The following CERS3 variants were observed in gnomAD, a reference collection of about 807,000 sequenced individuals.
CERS3 encodes ceramide synthase 3, also known as LAG1 homolog, ceramide synthase 3.
Under a neutral mutation model 50.3 loss-of-function variants are expected in CERS3, and 33 were observed. The ratio of observed to expected loss-of-function variants is 0.66; its 90% confidence interval spans 0.50 to 0.88. CERS3 has a LOEUF of 0.88. Ranked by LOEUF, CERS3 falls within the 40% of genes least tolerant of loss-of-function variation. The pLI is 0.00. For synonymous variants in CERS3, 176 were observed against 155.2 expected (o/e 1.13, Z -0.99); for missense variants, 470 against 460.3 (o/e 1.02, Z -0.19).
intron 4 of CERS3, among the ~76,000 whole-genome samples, chr15:100,488,620 A>C (rs1238877341): frequency 1.3e-5 from 2 of 152,126 alleles, no homozygotes; most frequent in African/African-American, 4.8e-5. Flanking sequence ...TAGTGCTTTT[A>C]GGCTATGGAC....
At chr15:100,521,967 T>C (rs938532491) in intron 1 of CERS3, among the ~76,000 whole-genome samples, 5 of 152,162 alleles carry the variant, frequency 3.3e-5, no homozygotes, top group Non-Finnish European at 7.3e-5. Flanking sequence ...AATTTGCACA[T>C]AGAAATCCAG....
chr15:100,414,660 C>A (rs1018666351), intron 11 of CERS3, among the ~76,000 whole-genome samples: 3 of 151,916 alleles, frequency 2.0e-5, no homozygotes, highest in African/African-American at 7.2e-5. Flanking sequence ...ACAAACCAGA[C>A]AAAAACAAGC....
chr15:100,468,327 G>T (rs914665561), intron 10 of CERS3, among the ~76,000 whole-genome samples: 1 of 152,078 alleles, frequency 6.6e-6, no homozygotes, highest in Non-Finnish European at 1.5e-5. Flanking sequence ...GATCACAAAG[G>T]TCGTAAGTGT....
intron 11 of CERS3, among the ~76,000 whole-genome samples, chr15:100,426,701 C>T (rs1171440879): frequency 6.6e-6 from 1 of 152,164 alleles, no homozygotes; most frequent in Non-Finnish European, 1.5e-5. Flanking sequence ...AAGTTTATAT[C>T]CCCCGTGTGG....
At chr15:100,477,920 T>C (rs1332512670) in intron 7 of CERS3, among the ~76,000 whole-genome samples, 13 of 152,212 alleles carry the variant, frequency 8.5e-5, no homozygotes, top group Admixed American at 8.5e-4. Flanking sequence ...GGATTAAAGG[T>C]GATCTGCCCT....
At chr15:100,536,291 A>C (rs552408409) in intron 1 of CERS3, among the ~76,000 whole-genome samples, 82 of 152,116 alleles carry the variant, frequency 5.4e-4, no homozygotes, top group Non-Finnish European at 1.0e-3. Flanking sequence ...TTTGTTTTTT[A>C]TGCTTGTTTT....
At chr15:100,538,335 G>C (rs946377772) in intron 1 of CERS3, among the ~76,000 whole-genome samples, 2 of 152,190 alleles carry the variant, frequency 1.3e-5, no homozygotes, top group African/African-American at 4.8e-5. Context: ...AATTCTGTGT[G>C]GGGACTCTGA....
chr15:100,430,129 G>T (rs553622663), intron 11 of CERS3, among the ~76,000 whole-genome samples: 1 of 151,816 alleles, frequency 6.6e-6, no homozygotes, highest in Non-Finnish European at 1.5e-5. Context: ...TGGCTAACAC[G>T]GTGGAACCCT....
chr15:100,489,855 T>C (rs2035599136), intron 4 of CERS3, among the ~76,000 whole-genome samples: 1 of 152,216 alleles, frequency 6.6e-6, no homozygotes, highest in Admixed American at 6.5e-5. Flanking sequence ...TCTCACTTGC[T>C]ATGAGCAATT....
chr15:100,511,119 T>A (rs1035226310), intron 2 of CERS3, among the ~76,000 whole-genome samples: 1 of 151,966 alleles, frequency 6.6e-6, no homozygotes, highest in Non-Finnish European at 1.5e-5. Context: ...TGAAACTGCA[T>A]CTCCACTAAA....
intron 2 of CERS3, among the ~76,000 whole-genome samples, chr15:100,507,820 T>A (rs1596784111): frequency 6.6e-6 from 1 of 152,348 alleles, no homozygotes; most frequent in Middle Eastern, 3.4e-3. Context: ...GCAGATGGCA[T>A]CCTGCCGAGG....
chr15:100,497,169 G>A (rs781332833), intron 3 of CERS3, among the ~76,000 whole-genome samples: 1 of 152,150 alleles, frequency 6.6e-6, no homozygotes, highest in African/African-American at 2.4e-5. Context: ...ACACGACAGA[G>A]AGGGGAATGG....
At chr15:100,412,458 T>C (rs949592878) in intron 11 of CERS3, among the ~76,000 whole-genome samples, 1 of 152,188 alleles carries the variant, frequency 6.6e-6, no homozygotes, top group Non-Finnish European at 1.5e-5. Context: ...TACTGAAGAT[T>C]TGTAGTAAGT....
chr15:100,497,887 AC>A (rs2035872460), intron 3 of CERS3, among the ~76,000 whole-genome samples: 1 of 50,050 alleles, frequency 2.0e-5, no homozygotes, highest in Non-Finnish European at 4.3e-5. Context: ...ACACACACAC[AC>A]ACACACACTT....
At chr15:100,474,977 G>A (rs2035081121) in intron 8 of CERS3, among the ~76,000 whole-genome samples, 1 of 152,090 alleles carries the variant, frequency 6.6e-6, no homozygotes, top group South Asian at 2.1e-4. Flanking sequence ...TTTTAAGAAG[G>A]TGTTCAATGC....
At chr15:100,478,348 T>G (rs547568272) in intron 7 of CERS3, among the ~76,000 whole-genome samples, 1 of 152,294 alleles carries the variant, frequency 6.6e-6, no homozygotes, top group East Asian at 1.9e-4. Context: ...TTTACCCTAG[T>G]TGCAAGCTAA....
At chr15:100,542,237 T>C (rs1337502038) in intron 1 of CERS3, among the ~76,000 whole-genome samples, 1 of 152,214 alleles carries the variant, frequency 6.6e-6, no homozygotes, top group Non-Finnish European at 1.5e-5. Flanking sequence ...GATCCTAAGC[T>C]TTCTGAAAAA....
chr15:100,418,998 C>G (rs953145032), intron 11 of CERS3, among the ~76,000 whole-genome samples: 1 of 150,788 alleles, frequency 6.6e-6, no homozygotes, highest in African/African-American at 2.4e-5. Flanking sequence ...TAAAGACCAT[C>G]GAGACTAGGA....
intron 1 of CERS3, among the ~76,000 whole-genome samples, chr15:100,523,221 G>A (rs936995218): frequency 4.6e-5 from 7 of 152,204 alleles, no homozygotes; most frequent in Admixed American, 3.9e-4. Context: ...AGGACTCCTT[G>A]TTTGTTACAT....
Sources: allele counts gnomAD v4.1 joint callset (sites outside exome capture counted in the v4.1 genomes callset), GRCh38; gene constraint gnomAD v4.1.1; transcripts MANE v1.5; gene names NCBI Gene and HGNC (gene_info 2026-07-23, HGNC 2026-07-21).